EFCAB12: variants seen among roughly 807,000 people sequenced by gnomAD.
The protein encoded by EFCAB12 is EF-hand calcium-binding domain-containing protein 12.
In EFCAB12, 43 loss-of-function variants were observed where a neutral mutation model predicts 53.6. That is an observed-to-expected ratio of 0.80 (90% CI 0.63 to 1.03). The LOEUF is 1.03. Among genes scored for constraint, EFCAB12 ranks in the 50% least tolerant of loss-of-function variants. The pLI is 0.00. For missense variants in EFCAB12, 646 were observed against 730.6 expected, an observed-to-expected ratio of 0.88 and a Z score of 1.34; for synonymous variants, 269 against 289.2, an observed-to-expected ratio of 0.93 and a Z score of 0.71.
chr3:129,401,464 G>A lies in EFCAB12; in HGVS notation c.*129C>T, dbSNP rs1003482690. 8.3e-6 allele frequency: 11 copies of A among 1,318,012 alleles called. No individual in the cohort carries two copies. Among genetic ancestry groups the A allele is most frequent in the African/African-American group, 7.5e-5 (5 of 67,100 alleles). The allele number at this position is 1,318,012 out of a possible 1,614,324, so 81.6% of individuals were successfully genotyped here. On this transcript the variant is annotated 3_prime_UTR_variant, in exon 9 of 9. Coordinates refer to ENST00000505956, the MANE Select transcript of EFCAB12 (RefSeq NM_207307.3). ...TTGAGTCCAGAGGGAACTGGCCCCC[G>A]GTCCATCCCTCTTTGAAAGGATTTC...
chr3:129,411,328 A>G lies in EFCAB12; in HGVS notation c.865T>C (p.Ser289Pro). The change falls in exon 5 of 9, where the codon TCC becomes CCC. Residue 289 changes from serine to proline, a missense_variant. Ser to Pro is a moderately conservative substitution (Grantham distance 74). Transcript: ENST00000505956. The stretch of plus-strand genomic sequence containing the variant: ...TGCTTCTTGAGCGGACCCTTCAGGG[A>G]ATCTCTGTGCTTGGCCAAGATATAA... ...EHYILAKHRD[S>P]LKGPLKKQEV... is the part of the protein sequence containing the mutation. 2 of 1,596,082 alleles carry G rather than the reference A, an allele frequency of 1.3e-6. No individual in the cohort carries two copies. The highest frequency in any genetic ancestry group is 1.1e-5 in the South Asian group (1 of 89,462).
chr3:129,404,021 G>T (rs947669259), intron 7 of EFCAB12: 4 of 494,122 alleles, frequency 8.1e-6, no homozygotes, highest in African/African-American at 3.8e-5. Context: ...GGTCAGGAGG[G>T]TAGCTGTGTG....
chr3:129,428,437 T>C lies in EFCAB12; in HGVS notation c.49+3A>G. On this transcript the variant is annotated splice_donor_region_variant and intron_variant, in intron 1 of 8. Transcript: ENST00000505956. ...CCTGCAGACGCTTCTTCCCGGGGCT[T>C]ACCGAGCAGCGACAAGAACAGACTG... 1 of 1,607,464 alleles carries C rather than the reference T, an allele frequency of 6.2e-7. No individual in the cohort carries two copies. The highest frequency in any genetic ancestry group is 8.5e-7 in the Non-Finnish European group (1 of 1,176,834).
In EFCAB12 at chr3:129,428,298, T is replaced by C. The variant is rs1037619519; in HGVS notation, c.49+142A>G. ...CAGATAGAAATCTCAGAAATGTACA[T>C]GACCTGCCCCCGACTCCATGGCAAC... On this transcript the variant is annotated intron_variant, in intron 1 of 8. Coordinates refer to ENST00000505956, the MANE Select transcript of EFCAB12 (RefSeq NM_207307.3). The C allele has an allele frequency of 2.6e-6, 3 of 1,166,694 alleles. No homozygotes were observed. The African/African-American group carries it at 4.6e-5, about 18-fold the overall frequency. The allele number at this position is 1,166,694 out of a possible 1,614,324, so 72.3% of individuals were successfully genotyped here.
intron 8 of EFCAB12, 105 bp from the exon 9 acceptor site, chr3:129,401,956 G>A (rs1577033166): frequency 6.9e-7 from 1 of 1,450,556 alleles, no homozygotes; most frequent in East Asian, 2.4e-5. Context: ...ATTTAGCACT[G>A]TGCCAAGCAC....
chr3:129,418,567 G>A, intron 2 of EFCAB12, 119 bp from the exon 3 acceptor site: 1 of 883,874 alleles, frequency 1.1e-6, no homozygotes, highest in South Asian at 2.6e-5. Context: ...GCAGGATAGA[G>A]TACAAAGGGC....
At chr3:129,408,584 C>A in intron 6 of EFCAB12, 61 bp downstream of exon 6, 1 of 1,523,094 alleles carries the variant, frequency 6.6e-7, no homozygotes, top group South Asian at 1.2e-5. Flanking sequence ...GTGGCATCAC[C>A]CTCACCCCAG....
At chr3:129,414,634 G>A (rs953397678) in intron 4 of EFCAB12, 1 of 152,210 alleles carries the variant, frequency 6.6e-6, no homozygotes, top group Non-Finnish European at 1.5e-5. Context: ...CCTTTGTGTT[G>A]TAGAGTAAAT....
At chr3:129,419,798 G>T (rs1257008354) in intron 2 of EFCAB12, among the ~76,000 whole-genome samples, 1 of 152,174 alleles carries the variant, frequency 6.6e-6, no homozygotes, top group Non-Finnish European at 1.5e-5. Context: ...TGTCTTCTGT[G>T]ACAGCAAGAG....
Position 129,401,744 on chromosome 3 carries a change from G to T in EFCAB12, c.1568C>A (p.Thr523Lys). ...KLQLYLPTVA[T>K]DRSLALFSCV... ...ACTGAAGAGCGCCAGGCTCCGGTCT[G>T]TGGCCACAGTGGGCAGGTAGAGCTG... Residue 523 changes from threonine to lysine, a missense_variant, in exon 9 of 9, where the codon ACA (threonine) becomes AAA (lysine). Coordinates refer to ENST00000505956, the MANE Select transcript of EFCAB12 (RefSeq NM_207307.3). 1 of 1,605,826 alleles carries T rather than the reference G, an allele frequency of 6.2e-7. No individual in the cohort carries two copies. The highest frequency in any genetic ancestry group is 8.5e-7 in the Non-Finnish European group (1 of 1,176,070).
intron 5 of EFCAB12, among the ~76,000 whole-genome samples, chr3:129,409,492 G>A (rs114129644): frequency 8.1e-4 from 123 of 152,274 alleles, no homozygotes; most frequent in Middle Eastern, 3.4e-3. Flanking sequence ...TTTAAATTAG[G>A]AGTAGCCATC....
At chr3:129,418,596 GTGTT>G (rs756028308) in intron 2 of EFCAB12, 148 bp from the exon 3 acceptor site, 1 of 580,876 alleles carries the variant, frequency 1.7e-6, no homozygotes, top group Non-Finnish European at 2.6e-6. Context: ...CAGGGCAACT[GTGTT>G]TGGCCACAAA....
chr3:129,425,657 T>A (rs2072262119), intron 1 of EFCAB12, among the ~76,000 whole-genome samples: 1 of 152,164 alleles, frequency 6.6e-6, no homozygotes, highest in Non-Finnish European at 1.5e-5. Context: ...CTCTTTGGAG[T>A]CCTGTGTCCA....
rs550342954 is a variant in EFCAB12 at position 129,409,600 on chromosome 3, G to GA, written c.1036-743dup. Among the ~76,000 whole-genome samples the GA allele has an allele frequency of 3.9e-4, 59 of 150,536 alleles. 3 individuals carry two copies. In the South Asian group the frequency reaches 0.01, roughly 26 times the overall value. ...TGCCACCACCTTGTTTTTTAACAAG[G>GA]AAAAAAAAACCCTAACTTTTAAAGC... is the stretch of plus-strand genomic sequence containing the variant. On this transcript the variant is annotated intron_variant, in intron 5 of 8. Coordinates refer to ENST00000505956, the MANE Select transcript of EFCAB12 (RefSeq NM_207307.3).
rs565398377 is a variant in EFCAB12, at chr3:129,428,021, G to T, written c.49+419C>A. Reference sequence around the variant, plus strand: ...CCCTCAGCACACCTTTTACTCCTGGGTGTCATCCCTGGGCCCGGCATTTAC... The same window carrying T: ...CCCTCAGCACACCTTTTACTCCTGGTTGTCATCCCTGGGCCCGGCATTTAC... On this transcript the variant is annotated intron_variant, in intron 1 of 8. Coordinates refer to ENST00000505956, the MANE Select transcript of EFCAB12 (RefSeq NM_207307.3). 2.6e-5 allele frequency among the ~76,000 whole-genome samples: 4 copies of T among 152,214 alleles called. No homozygotes were observed. The South Asian group carries it at 8.3e-4, about 32-fold the overall frequency.
At chr3:129,401,896 C>G (rs1210761255) in intron 8 of EFCAB12, 45 bp from the exon 9 acceptor site, 2 of 1,589,264 alleles carry the variant, frequency 1.3e-6, no homozygotes, top group Non-Finnish European at 1.7e-6. Context: ...GGCAGACAGG[C>G]CAGAGCTGAG....
rs1015488998 is a variant in EFCAB12 at position 129,409,142 on chromosome 3, G to A, written c.1036-284C>T. 2.6e-5 allele frequency among the ~76,000 whole-genome samples: 4 copies of A among 152,196 alleles called. No homozygotes were observed. The South Asian group carries it at 8.3e-4, about 31-fold the overall frequency. ...AAAACACAGTACACATGCCCTAGAGGCGTCCTATTGAAAAAGGACATTCGC... is the reference window on the plus strand; with the variant it reads ...AAAACACAGTACACATGCCCTAGAGACGTCCTATTGAAAAAGGACATTCGC... On this transcript the variant is annotated intron_variant, in intron 5 of 8. Transcript: ENST00000505956.
intron 4 of EFCAB12, chr3:129,413,539 G>A (rs1264848135): frequency 6.6e-6 from 1 of 152,216 alleles, no homozygotes; most frequent in Non-Finnish European, 1.5e-5. Context: ...GCAGAAAGAT[G>A]TATGGAAACA....
Position 129,401,847 on chromosome 3 carries a change from G to T in EFCAB12, c.1465C>A (p.Leu489Met). The T allele has an allele frequency of 6.2e-7, 1 of 1,610,792 alleles. No homozygotes were observed. Among genetic ancestry groups the T allele is most frequent in the Non-Finnish European group, 8.5e-7 (1 of 1,177,492 alleles). ...FKEFEEFTRK[L>M]KVKRSSGLQQ... ...AGACCACTGGACCTCTTCACCTTCA[G>T]CTTCCTGGAAAACAAGAAGACACAG... Residue 489 changes from leucine to methionine, a missense_variant, in exon 9 of 9, where the codon CTG becomes ATG. Physicochemically the swap from Leu to Met is conservative, Grantham distance 15. Transcript: ENST00000505956.
Sources: allele counts gnomAD v4.1 joint callset (sites outside exome capture counted in the v4.1 genomes callset), GRCh38; gene constraint gnomAD v4.1.1; transcripts MANE v1.5; gene names NCBI Gene and HGNC (gene_info 2026-07-23, HGNC 2026-07-21).